C16orf78: variants seen among roughly 807,000 people sequenced by gnomAD.
C16orf78 encodes chromosome 16 open reading frame 78, also known as uncharacterized protein C16orf78.
A neutral mutation model predicts 27.3 loss-of-function variants in C16orf78; 19 were observed. The ratio of observed to expected loss-of-function variants is 0.70; its 90% CI spans 0.49 to 1.02. The LOEUF (loss-of-function observed/expected upper bound fraction) is 1.02. Among genes scored for constraint, C16orf78 ranks in the 50% least tolerant of loss-of-function variants. The pLI is 0.00. For synonymous variants in C16orf78, 130 were observed against 116.1 expected (o/e 1.12, Z -0.77); for missense variants, 339 against 337.0 (o/e 1.01, Z -0.05).
chr16:49,398,159 G>A (rs1187652275), intron 4 of C16orf78, among the ~76,000 whole-genome samples: 1 of 152,224 alleles, frequency 6.6e-6, no homozygotes, highest in African/African-American at 2.4e-5. Flanking sequence ...GGATTGGTGA[G>A]GGGGTCTGAG....
intron 4 of C16orf78, 34 bp from the exon 5 acceptor site, chr16:49,399,097 C>A: frequency 6.2e-7 from 1 of 1,608,974 alleles, no homozygotes; most frequent in Non-Finnish European, 8.5e-7. Context: ...GTGACTCCAC[C>A]TTCAACTGAC....
chr16:49,374,187 G>C (rs1965188847), intron 1 of C16orf78, 98 bp downstream of exon 1: 19 of 1,471,500 alleles, frequency 1.3e-5, no homozygotes, highest in Non-Finnish European at 1.7e-5. Context: ...CAAAAGGCGG[G>C]ATGGTTTTGA....
At chr16:49,381,370 T>C (rs1965285013) in intron 3 of C16orf78, among the ~76,000 whole-genome samples, 1 of 152,212 alleles carries the variant, frequency 6.6e-6, no homozygotes, top group South Asian at 2.1e-4. Flanking sequence ...GTTGGATTCC[T>C]AGATATTTTA....
chr16:49,391,375 C>T (rs189113929), intron 3 of C16orf78, among the ~76,000 whole-genome samples: 54 of 152,272 alleles, frequency 3.5e-4, no homozygotes, highest in Non-Finnish European at 6.0e-4. Flanking sequence ...AGGCCATACC[C>T]CCTTTTGTCT....
Position 49,378,450 on chromosome 16 carries a change from TC to T in C16orf78, c.271-19del. On this transcript the variant is annotated intron_variant, in intron 2 of 4. Coordinates refer to ENST00000299191, the MANE Select transcript of C16orf78 (RefSeq NM_144602.4). ...CAGGTCCTGTAACTGGGGTGTGACTTCTCACCTGCTCCCTCCAAGGCCTTAG... is the reference window on the plus strand; with the variant it reads ...CAGGTCCTGTAACTGGGGTGTGACTTTCACCTGCTCCCTCCAAGGCCTTAG... 1.3e-6 allele frequency: 2 copies of T among 1,558,092 alleles called. No individual in the cohort carries two copies. The highest frequency in any genetic ancestry group is 1.7e-6 in the Non-Finnish European group (2 of 1,150,480).
chr16:49,386,092 G>A (rs1965347323), intron 3 of C16orf78, among the ~76,000 whole-genome samples: 1 of 152,064 alleles, frequency 6.6e-6, no homozygotes, highest in East Asian at 1.9e-4. Flanking sequence ...TTTTAAGTCA[G>A]AAACTGTCAC....
intron 3 of C16orf78, among the ~76,000 whole-genome samples, chr16:49,384,523 ATG>A (rs1965324828): frequency 6.6e-6 from 1 of 152,120 alleles, no homozygotes; most frequent in African/African-American, 2.4e-5. Context: ...AAAAAAAGGA[ATG>A]AAAAATAATA....
Position 49,377,894 on chromosome 16 carries a change from A to C in C16orf78, c.270+44A>C, listed in dbSNP as rs770918527. ...CCCCACTCACCCCCACTGGGTCTCC[A>C]AATGGAGGAGGGGTCCCTGCTTCTC... On this transcript the variant is annotated intron_variant, in intron 2 of 4. Coordinates refer to ENST00000299191, the MANE Select transcript of C16orf78 (RefSeq NM_144602.4). The C allele has an allele frequency of 3.2e-6, 5 of 1,547,390 alleles. No homozygotes were observed. The African/African-American group carries it at 6.9e-5, about 21-fold the overall frequency.
chr16:49,384,361 A>G lies in C16orf78; in HGVS notation c.394+5768A>G, dbSNP rs562790155. Among the ~76,000 whole-genome samples, 7 of 150,500 alleles carry G rather than the reference A, an allele frequency of 4.7e-5. No homozygotes were observed. The East Asian group carries it at 1.4e-3, about 29-fold the overall frequency. Reference sequence around the variant, plus strand: ...AAAACTCCATCAAAAAAAAAAAAAAAAAAAAAAGCAGAAAACTAATTCCTG... The same window carrying G: ...AAAACTCCATCAAAAAAAAAAAAAAGAAAAAAAGCAGAAAACTAATTCCTG... On this transcript the variant is annotated intron_variant, in intron 3 of 4. Coordinates refer to ENST00000299191, the MANE Select transcript of C16orf78 (RefSeq NM_144602.4).
At chr16:49,394,530 A>G (rs1965448444) in intron 3 of C16orf78, among the ~76,000 whole-genome samples, 1 of 152,064 alleles carries the variant, frequency 6.6e-6, no homozygotes, top group African/African-American at 2.4e-5. Context: ...TGAAAACTCT[A>G]TGTCAACCAG....
intron 3 of C16orf78, among the ~76,000 whole-genome samples, chr16:49,394,479 C>CAAA (rs11384900): frequency 6.7e-6 from 1 of 149,164 alleles, no homozygotes; most frequent in African/African-American, 2.5e-5. Context: ...CAGTTGATGG[C>CAAA]AAAAAAAAAG....
chr16:49,389,168 A>G (rs539032187), intron 3 of C16orf78, among the ~76,000 whole-genome samples: 26 of 152,218 alleles, frequency 1.7e-4, no homozygotes, highest in African/African-American at 6.3e-4. Context: ...CACGCCTGTA[A>G]TCCTAGCACT....
intron 3 of C16orf78, among the ~76,000 whole-genome samples, chr16:49,390,660 T>C (rs1397381709): frequency 6.6e-6 from 1 of 152,248 alleles, no homozygotes; most frequent in Non-Finnish European, 1.5e-5. Context: ...CATGTTCTTG[T>C]CTACTAATTC....
chr16:49,393,736 A>C (rs1567394579), intron 3 of C16orf78, among the ~76,000 whole-genome samples: 1 of 152,250 alleles, frequency 6.6e-6, no homozygotes, highest in African/African-American at 2.4e-5. Context: ...AATATATTAA[A>C]TACTGGCTGG....
At chr16:49,379,165 C>T (rs152653) in intron 3 of C16orf78, among the ~76,000 whole-genome samples, 60,963 of 151,880 alleles carry the variant, frequency 0.4, 14,723 homozygotes, top group African/African-American at 0.68. Context: ...AATGGGACAA[C>T]AACAATACCT....
intron 3 of C16orf78, among the ~76,000 whole-genome samples, chr16:49,379,989 A>C (rs1247655805): frequency 2.0e-5 from 3 of 152,238 alleles, no homozygotes; most frequent in Non-Finnish European, 4.4e-5. Context: ...TAAAGCAGGC[A>C]GAAGTTGGAA....
chr16:49,383,723 T>A (rs1965313696), intron 3 of C16orf78, among the ~76,000 whole-genome samples: 1 of 152,224 alleles, frequency 6.6e-6, no homozygotes, highest in Non-Finnish European at 1.5e-5. Flanking sequence ...TCAGGCAATG[T>A]GGCTCATGCT....
intron 3 of C16orf78, among the ~76,000 whole-genome samples, chr16:49,384,531 T>C (rs977061614): frequency 6.7e-6 from 1 of 149,772 alleles, no homozygotes; most frequent in Non-Finnish European, 1.5e-5. Flanking sequence ...GAATGAAAAA[T>C]AATAAAGAAA....
intron 3 of C16orf78, among the ~76,000 whole-genome samples, chr16:49,388,274 T>C (rs903012852): frequency 1.3e-5 from 2 of 152,170 alleles, no homozygotes; most frequent in African/African-American, 2.4e-5. Context: ...TTGCTCTTGG[T>C]TCTCTAGTTC....
Sources: gnomAD v4.1 joint callset for allele counts (sites outside exome capture counted in the v4.1 genomes callset) on GRCh38, gnomAD v4.1.1 for gene constraint, MANE v1.5 for transcripts, NCBI Gene and HGNC (gene_info 2026-07-23, HGNC 2026-07-21) for gene names.